MYRIP: variants seen among roughly 807,000 people sequenced by gnomAD.
MYRIP encodes the protein myosin VIIA and Rab interacting protein.
MYRIP carries 49 observed loss-of-function variants against 98.0 expected under a neutral mutation model. The ratio of observed to expected loss-of-function variants is 0.50; its 90% CI spans 0.40 to 0.63. The LOEUF (loss-of-function observed/expected upper bound fraction) is 0.63. Among genes scored for constraint, MYRIP ranks in the 30% least tolerant of loss-of-function variants. MYRIP has a pLI of 0.00. For missense variants in MYRIP, 1,004 were observed against 1,058.2 expected, an observed-to-expected ratio of 0.95 and a Z score of 0.71; for synonymous variants, 404 against 409.5, an observed-to-expected ratio of 0.99 and a Z score of 0.16.
At chr3:40,004,837 A>G (rs1575457668) in intron 2 of MYRIP, among the ~76,000 whole-genome samples, 1 of 151,996 alleles carries the variant, frequency 6.6e-6, no homozygotes, top group Non-Finnish European at 1.5e-5. Flanking sequence ...GTGTGTTACA[A>G]GGGTATATTT....
At chr3:40,176,609 T>C (rs1391320260) in intron 8 of MYRIP, among the ~76,000 whole-genome samples, 1 of 151,906 alleles carries the variant, frequency 6.6e-6, no homozygotes, top group Non-Finnish European at 1.5e-5. Flanking sequence ...TAAAAATTAG[T>C]TGGGTGGGCT....
intron 11 of MYRIP, among the ~76,000 whole-genome samples, chr3:40,212,006 C>G (rs561843767): frequency 1.3e-5 from 2 of 151,522 alleles, no homozygotes; most frequent in Non-Finnish European, 2.9e-5. Flanking sequence ...AAGTTCAAGT[C>G]TTGCCTTCCT....
At chr3:40,120,921 C>G (rs1949388562) in intron 3 of MYRIP, among the ~76,000 whole-genome samples, 1 of 152,152 alleles carries the variant, frequency 6.6e-6, no homozygotes, top group Admixed American at 6.5e-5. Context: ...CTAAATGAAA[C>G]CATTTCATTC....
chr3:40,213,834 G>C (rs79493002), intron 11 of MYRIP, among the ~76,000 whole-genome samples: 1 of 152,046 alleles, frequency 6.6e-6, no homozygotes, highest in Non-Finnish European at 1.5e-5. Flanking sequence ...TCCCAGGAGC[G>C]GGAGTGAGGC....
chr3:40,186,262 C>T (rs1951032481), intron 9 of MYRIP, among the ~76,000 whole-genome samples: 1 of 152,084 alleles, frequency 6.6e-6, no homozygotes, highest in Admixed American at 6.5e-5. Flanking sequence ...GAGTGCTCCA[C>T]AGCCATGCTC....
At chr3:39,997,816 C>T (rs562473879) in intron 2 of MYRIP, among the ~76,000 whole-genome samples, 4 of 152,190 alleles carry the variant, frequency 2.6e-5, no homozygotes, top group South Asian at 2.1e-4. Flanking sequence ...TCCAGCAGCA[C>T]GTCAAAAAGC....
In MYRIP at chr3:40,033,725, A is replaced by C. The variant is rs182734263; in HGVS notation, c.111-10325A>C. Among the ~76,000 whole-genome samples the C allele has an allele frequency of 7.2e-4, 110 of 152,314 alleles. No individual in the cohort carries two copies. The East Asian group carries it at 0.02, about 28-fold the overall frequency. ...CACAGAATTGGAAGAAAACTACTTT[A>C]AAGTTCATATGGAACCAAAAAAGAG... On this transcript the variant is annotated intron_variant, in intron 2 of 16. Transcript: ENST00000302541.
At chr3:40,006,941 C>A (rs1946648294) in intron 2 of MYRIP, among the ~76,000 whole-genome samples, 1 of 152,104 alleles carries the variant, frequency 6.6e-6, no homozygotes, top group African/African-American at 2.4e-5. Flanking sequence ...GGACCATAGT[C>A]TTGAGCTGCT....
chr3:40,168,404 C>T (rs2125595945), intron 7 of MYRIP, among the ~76,000 whole-genome samples: 1 of 152,294 alleles, frequency 6.6e-6, no homozygotes, highest in African/African-American at 2.4e-5. Context: ...TTGCATTAGC[C>T]TATAACTGGG....
Position 40,182,283 on chromosome 3 carries a change from C to T in MYRIP, c.937C>T (p.Pro313Ser). 1 of 1,614,038 alleles carries T rather than the reference C, an allele frequency of 6.2e-7. No individual in the cohort carries two copies. The highest frequency in any genetic ancestry group is 8.5e-7 in the Non-Finnish European group (1 of 1,179,974). ...EALKTPPVEA[P>S]SRQPRDQGQH... ...CCTGAAGACCCCTCCAGTGGAGGCT[C>T]CATCGAGGCAGCCAAGGGACCAAGG... Residue 313 changes from proline (P) to serine (S), a missense_variant, in exon 9 of 17, where the codon CCA becomes TCA. Physicochemically the swap from Pro to Ser is moderately conservative, Grantham distance 74. Around this residue, in one of 3 missense-constraint regions of MYRIP, gnomAD observed 880 missense variants for 907.7 expected, o/e 0.97. Coordinates refer to ENST00000302541, the MANE Select transcript of MYRIP (RefSeq NM_015460.4).
chr3:40,130,632 G>C (rs1291830239), intron 3 of MYRIP, among the ~76,000 whole-genome samples: 1 of 151,692 alleles, frequency 6.6e-6, no homozygotes, highest in East Asian at 1.9e-4. Flanking sequence ...CGCCCGCCTC[G>C]GCCTCCCAAA....
intron 3 of MYRIP, among the ~76,000 whole-genome samples, chr3:40,105,704 G>A (rs1205002435): frequency 1.3e-5 from 2 of 152,112 alleles, no homozygotes; most frequent in African/African-American, 4.8e-5. Flanking sequence ...GGAGACCTCA[G>A]GAAACTTATG....
At chr3:40,183,048 T>C (rs554313813) in intron 9 of MYRIP, among the ~76,000 whole-genome samples, 38 of 152,304 alleles carry the variant, frequency 2.5e-4, no homozygotes, top group Admixed American at 9.1e-4. Context: ...TCTGAGTCTT[T>C]TATGGGCTTA....
chr3:40,156,233 C>G (rs1950235015), intron 4 of MYRIP, among the ~76,000 whole-genome samples: 3 of 151,948 alleles, frequency 2.0e-5, no homozygotes, highest in African/African-American at 7.3e-5. Context: ...TTCCCAGCAC[C>G]ATTTATTAAA....
intron 1 of MYRIP, among the ~76,000 whole-genome samples, chr3:39,837,438 C>CTATATAT: frequency 6.6e-6 from 1 of 152,016 alleles, no homozygotes; most frequent in African/African-American, 2.4e-5. Context: ...ATATATGGCT[C>CTATATAT]GTCAGTTTTC....
intron 3 of MYRIP, among the ~76,000 whole-genome samples, chr3:40,134,717 C>T (rs1949724301): frequency 6.6e-6 from 1 of 152,200 alleles, no homozygotes; most frequent in African/African-American, 2.4e-5. Context: ...GCAGCATTTG[C>T]AGTTCACCAA....
At chr3:39,866,769 G>C (rs758814344) in intron 1 of MYRIP, among the ~76,000 whole-genome samples, 11 of 152,254 alleles carry the variant, frequency 7.2e-5, no homozygotes, top group South Asian at 4.1e-4. Flanking sequence ...GCATTCTCTA[G>C]ATCCAGTGCA....
chr3:39,880,817 T>C (rs2125644302), intron 1 of MYRIP, among the ~76,000 whole-genome samples: 2 of 152,310 alleles, frequency 1.3e-5, no homozygotes, highest in East Asian at 3.9e-4. Context: ...TTGATATATT[T>C]TGATGTCATA....
chr3:40,174,010 C>T (rs973738296), intron 8 of MYRIP: 11 of 152,170 alleles, frequency 7.2e-5, no homozygotes, highest in Non-Finnish European at 1.0e-4. Flanking sequence ...CTGAATGTAA[C>T]ATATGTTTTG....
Sources: allele counts gnomAD v4.1 joint callset (sites outside exome capture counted in the v4.1 genomes callset), GRCh38; gene constraint gnomAD v4.1.1; regional missense constraint gnomAD v4.1.1; transcripts MANE v1.5; gene names NCBI Gene and HGNC (gene_info 2026-07-23, HGNC 2026-07-21).